Variants in TMEM132D observed in about 807,000 individuals in gnomAD.
TMEM132D encodes mature OL transmembrane protein.
Under a neutral mutation model 62.3 loss-of-function variants are expected in TMEM132D, and 21 were observed. The observed-to-expected ratio is 0.34, with a 90% CI of 0.24 to 0.49. The LOEUF is 0.49. TMEM132D is among the 20% of genes least tolerant of loss of function. The pLI, the probability that TMEM132D is intolerant of heterozygous loss-of-function variation, is 0.99. For missense variants in TMEM132D, 1,346 were observed against 1,402.8 expected (o/e 0.96, Z 0.65); for synonymous variants, 621 against 575.6 (o/e 1.08, Z -1.13).
intron 5 of TMEM132D, among the ~76,000 whole-genome samples, chr12:129,170,757 G>A (rs928136480): frequency 6.6e-6 from 1 of 151,580 alleles, no homozygotes; most frequent in Non-Finnish European, 1.5e-5. Flanking sequence ...CCTGGGAGCC[G>A]AGATTGCACC....
intron 4 of TMEM132D, among the ~76,000 whole-genome samples, chr12:129,218,393 C>T (rs1262233843): frequency 6.6e-6 from 1 of 152,216 alleles, no homozygotes; most frequent in Non-Finnish European, 1.5e-5. Context: ...GCATACTACA[C>T]ACCTGGCCAT....
At chr12:129,179,302 T>C (rs1877997637) in intron 5 of TMEM132D, among the ~76,000 whole-genome samples, 1 of 152,026 alleles carries the variant, frequency 6.6e-6, no homozygotes, top group Non-Finnish European at 1.5e-5. Context: ...GGAAGGGTGG[T>C]CCCTCCAGAG....
chr12:129,647,641 G>A (rs1024174002), intron 2 of TMEM132D, among the ~76,000 whole-genome samples: 1 of 152,150 alleles, frequency 6.6e-6, no homozygotes, highest in Non-Finnish European at 1.5e-5. Flanking sequence ...GAATGGTATT[G>A]CTTATTTTGT....
intron 5 of TMEM132D, among the ~76,000 whole-genome samples, chr12:129,116,918 C>CCAAAAAA (rs1875910294): frequency 1.7e-5 from 1 of 58,988 alleles, no homozygotes; most frequent in South Asian, 1.1e-3. Flanking sequence ...AAAATTTCCG[C>CCAAAAAA]AAAAAAAAAA....
chr12:129,803,065 C>T (rs1871850701), intron 1 of TMEM132D, among the ~76,000 whole-genome samples: 1 of 150,892 alleles, frequency 6.6e-6, no homozygotes, highest in African/African-American at 2.4e-5. Flanking sequence ...TACAAAGAGA[C>T]TTAGACTCCC....
At chr12:129,123,418 T>C (rs904578444) in intron 5 of TMEM132D, among the ~76,000 whole-genome samples, 1 of 152,192 alleles carries the variant, frequency 6.6e-6, no homozygotes, top group Non-Finnish European at 1.5e-5. Context: ...AGGTCAACTG[T>C]AGAAGCTTCA....
At position 129,867,635 on chromosome 12, in the gene TMEM132D, C is replaced by T. The variant is rs1476420811; in HGVS notation, c.79+35626G>A. Among the ~76,000 whole-genome samples, 7 of 152,108 alleles carry T rather than the reference C, an allele frequency of 4.6e-5. No individual in the cohort carries two copies. The East Asian group carries it at 9.6e-4, about 21-fold the overall frequency. ...AAAGAGAAAGTAAAACAAAGAAAAC[C>T]GTCACTGTAGAAAGGGATAATGTGA... is the stretch of plus-strand genomic sequence containing the variant. On this transcript the variant is annotated intron_variant, in intron 1 of 8. Transcript: ENST00000422113. The surrounding 1 kb of genome is among the most constrained non-coding windows in gnomAD (Gnocchi z 4.5).
At chr12:129,152,360 A>G (rs1254261743) in intron 5 of TMEM132D, among the ~76,000 whole-genome samples, 1 of 152,176 alleles carries the variant, frequency 6.6e-6, no homozygotes, top group Non-Finnish European at 1.5e-5. Context: ...CCCCAGGTCC[A>G]TCTCATCTCC....
At chr12:129,382,875 G>A (rs561360568) in intron 3 of TMEM132D, among the ~76,000 whole-genome samples, 7 of 152,214 alleles carry the variant, frequency 4.6e-5, no homozygotes, top group Non-Finnish European at 8.8e-5. Context: ...CCGTGTTTCC[G>A]CTCAGTCTTT....
rs533336137 is a variant in TMEM132D, at chr12:129,395,827, C to CTATAGATATA, written c.1116-58020_1116-58011dup. ...ATATAGATATATCTATAACATACTG[C>CTATAGATATA]TATAGATATATCTATATTGATACAT... On this transcript the variant is annotated intron_variant, in intron 3 of 8. Coordinates refer to ENST00000422113, the MANE Select transcript of TMEM132D (RefSeq NM_133448.3). 2.0e-3 allele frequency among the ~76,000 whole-genome samples: 297 copies of CTATAGATATA among 146,644 alleles called. 3 individuals carry two copies. The highest frequency in any genetic ancestry group is 7.1e-3 in the African/African-American group (285 of 40,336).
At chr12:129,687,516 G>A (rs1032721102) in intron 2 of TMEM132D, among the ~76,000 whole-genome samples, 2 of 151,968 alleles carry the variant, frequency 1.3e-5, no homozygotes, top group African/African-American at 4.8e-5. Flanking sequence ...ACTGCCAACT[G>A]GGTTACTGGA....
rs149460586 is a variant in TMEM132D at position 129,202,766 on chromosome 12, T to C, written c.1443+6754A>G. Among the ~76,000 whole-genome samples, 119 of 152,240 alleles carry C rather than the reference T, an allele frequency of 7.8e-4. 2 individuals are homozygous for C. The highest frequency in any genetic ancestry group is 3.7e-3 in the South Asian group (18 of 4,816). ...TCCCTTCCTCATGCCATTCCCTCTG[T>C]CAGCAGGGCATACTGGGTACAAATT... is the stretch of plus-strand genomic sequence containing the variant. On this transcript the variant is annotated intron_variant, in intron 5 of 8. Transcript: ENST00000422113.
chr12:129,892,474 G>A (rs1003193019), intron 1 of TMEM132D, among the ~76,000 whole-genome samples: 1 of 151,992 alleles, frequency 6.6e-6, no homozygotes, highest in African/African-American at 2.4e-5. Context: ...TGAACAGATG[G>A]GCCGAAGGAT....
chr12:129,398,288 G>A (rs1871492072), intron 3 of TMEM132D, among the ~76,000 whole-genome samples: 1 of 152,154 alleles, frequency 6.6e-6, no homozygotes, highest in Non-Finnish European at 1.5e-5. Context: ...ACTATCTTTA[G>A]TGCCTGTTTT....
chr12:129,346,369 A>G (rs1869688442), intron 3 of TMEM132D, among the ~76,000 whole-genome samples: 1 of 151,966 alleles, frequency 6.6e-6, no homozygotes, highest in African/African-American at 2.4e-5. Context: ...CTATTTGTTA[A>G]TCTTTTCAAA....
At chr12:129,140,974 A>G (rs950774293) in intron 5 of TMEM132D, among the ~76,000 whole-genome samples, 3 of 152,174 alleles carry the variant, frequency 2.0e-5, no homozygotes, top group Non-Finnish European at 2.9e-5. Flanking sequence ...GTTATTGGAC[A>G]TTTGAGTTTC....
Position 129,073,619 on chromosome 12 carries a change from T to C in TMEM132D, c.*256A>G. The C allele has an allele frequency of 7.7e-6, 3 of 389,804 alleles. No homozygotes were observed. Among genetic ancestry groups the C allele is most frequent in the Non-Finnish European group, 1.4e-5 (3 of 219,530 alleles). 24.1% of individuals were successfully genotyped at this position (389,804 alleles called of 1,614,324 possible). On this transcript the variant is annotated 3_prime_UTR_variant, in exon 9 of 9. Coordinates refer to ENST00000422113, the MANE Select transcript of TMEM132D (RefSeq NM_133448.3). ...TCTCAGACGCTCAGTGATTCAGAAC[T>C]CGTTTTTGTTTCAAGTCTTAAAAAT...
intron 5 of TMEM132D, among the ~76,000 whole-genome samples, chr12:129,169,292 G>T (rs1877649268): frequency 6.6e-6 from 1 of 152,176 alleles, no homozygotes; most frequent in South Asian, 2.1e-4. Context: ...CTTGTCTGTG[G>T]ACTGGGAGTC....
chr12:129,126,673 G>A lies in TMEM132D; in HGVS notation c.1444-41971C>T, dbSNP rs554529031. Among the ~76,000 whole-genome samples, 6 of 152,240 alleles carry A rather than the reference G, an allele frequency of 3.9e-5. No homozygotes were observed. In the South Asian group the frequency reaches 1.2e-3, roughly 32 times the overall value. On this transcript the variant is annotated intron_variant, in intron 5 of 8. Coordinates refer to ENST00000422113, the MANE Select transcript of TMEM132D (RefSeq NM_133448.3). ...TTTGGCAGGGGCTTATGTTACGTAT[G>A]GAATTAGCATTCCTTAAATTAATGC... is the stretch of plus-strand genomic sequence containing the variant.
Sources: gnomAD v4.1 joint callset for allele counts (sites outside exome capture counted in the v4.1 genomes callset) on GRCh38, gnomAD v4.1.1 for gene constraint, Gnocchi (gnomAD v3.1) non-coding constraint, MANE v1.5 for transcripts, NCBI Gene and HGNC (gene_info 2026-07-23, HGNC 2026-07-21) for gene names.